PARD6G: variants seen among roughly 807,000 people sequenced by gnomAD.
The protein encoded by PARD6G is partitioning defective 6 homolog gamma.
PARD6G carries 7 observed loss-of-function variants against 10.7 expected under a neutral mutation model. That is an observed-to-expected ratio of 0.66 (90% CI 0.37 to 1.23). PARD6G has a LOEUF of 1.23. Ranked by LOEUF, PARD6G falls within the 50% of genes most tolerant of loss-of-function variation. The pLI, the probability that PARD6G is intolerant of heterozygous loss-of-function variation, is 0.02. For missense variants in PARD6G, 548 were observed against 571.8 expected, an observed-to-expected ratio of 0.96 and a Z score of 0.42; for synonymous variants, 287 against 269.4, an observed-to-expected ratio of 1.07 and a Z score of -0.64.
At position 80,181,273 on chromosome 18, in the gene PARD6G, T is replaced by G. The variant is rs1194947262; in HGVS notation, c.296-20667A>C. Among the ~76,000 whole-genome samples the G allele has an allele frequency of 6.6e-6, 1 of 152,052 alleles. No individual in the cohort carries two copies. The highest frequency in any genetic ancestry group is 1.5e-5 in the Non-Finnish European group (1 of 67,998). ...CGCCCCTGGGGGATAGGAGAGGTGGTGTCTGTCCCCTGGTCCCTCAGCCAA... is the reference window on the plus strand; with the variant it reads ...CGCCCCTGGGGGATAGGAGAGGTGGGGTCTGTCCCCTGGTCCCTCAGCCAA... On this transcript the variant is annotated intron_variant, in intron 2 of 2. Transcript: ENST00000353265. This position sits in a 1 kb window ranked among gnomAD's most constrained non-coding sequence, Gnocchi z 7.9.
chr18:80,208,158 A>G (rs1471525690), intron 1 of PARD6G, among the ~76,000 whole-genome samples: 2 of 152,198 alleles, frequency 1.3e-5, no homozygotes, highest in East Asian at 3.8e-4. Context: ...CACTGGCTGT[A>G]TTTAGAAGAT....
At chr18:80,227,736 C>T (rs769207490) in intron 1 of PARD6G, among the ~76,000 whole-genome samples, 4 of 152,188 alleles carry the variant, frequency 2.6e-5, no homozygotes, top group African/African-American at 9.7e-5. Flanking sequence ...AGTCTGAGGA[C>T]TTCCCACTCA....
At chr18:80,165,190 A>G (rs2052727478) in intron 2 of PARD6G, among the ~76,000 whole-genome samples, 2 of 152,206 alleles carry the variant, frequency 1.3e-5, no homozygotes, top group Admixed American at 1.3e-4. Flanking sequence ...CCTTATCTCA[A>G]TCACATAAGA....
intron 1 of PARD6G, among the ~76,000 whole-genome samples, chr18:80,224,643 C>T (rs911682100): frequency 6.6e-6 from 1 of 152,194 alleles, no homozygotes; most frequent in Non-Finnish European, 1.5e-5. Flanking sequence ...GTCAGCAGTT[C>T]AAGACCAACC....
intron 2 of PARD6G, among the ~76,000 whole-genome samples, chr18:80,199,748 T>C (rs953773326): frequency 2.0e-5 from 3 of 152,146 alleles, no homozygotes; most frequent in African/African-American, 7.2e-5. Flanking sequence ...GTTCAAGCGA[T>C]TTCTCCTGCC....
At position 80,188,591 on chromosome 18, in the gene PARD6G, C is replaced by T. The variant is rs1369750876; in HGVS notation, c.295+14119G>A. 6.6e-6 allele frequency among the ~76,000 whole-genome samples: 1 copy of T among 152,186 alleles called. No individual in the cohort carries two copies. Among genetic ancestry groups the T allele is most frequent in the East Asian group, 1.9e-4 (1 of 5,194 alleles). ...CAGCCCTCCTCGGATGCCCAGTTCG[C>T]CAGAGGAAGGGTCTCTCTGTTTCCC... On this transcript the variant is annotated intron_variant, in intron 2 of 2. Transcript: ENST00000353265. The surrounding 1 kb of genome is among the most constrained non-coding windows in gnomAD (Gnocchi z 5.4).
chr18:80,172,912 G>A (rs548957976), intron 2 of PARD6G, among the ~76,000 whole-genome samples: 2 of 152,154 alleles, frequency 1.3e-5, no homozygotes, highest in African/African-American at 4.8e-5. Context: ...TGCCTAATGC[G>A]AAGTCACATC....
chr18:80,173,419 G>A (rs1187404184), intron 2 of PARD6G, among the ~76,000 whole-genome samples: 2 of 152,130 alleles, frequency 1.3e-5, no homozygotes, highest in Admixed American at 6.5e-5. Flanking sequence ...GAGGTCAGGC[G>A]TTTGAGAGCA....
At chr18:80,229,675 TAGAC>T (rs1967336683) in intron 1 of PARD6G, among the ~76,000 whole-genome samples, 1 of 152,184 alleles carries the variant, frequency 6.6e-6, no homozygotes, top group Non-Finnish European at 1.5e-5. Context: ...AGCCAGAAGT[TAGAC>T]AGTAATCCAC....
intron 2 of PARD6G, among the ~76,000 whole-genome samples, chr18:80,172,611 C>T (rs2052784697): frequency 6.6e-6 from 1 of 152,200 alleles, no homozygotes; most frequent in South Asian, 2.1e-4. Context: ...TCTTGAACTC[C>T]TGACCTCAAG....
intron 2 of PARD6G, among the ~76,000 whole-genome samples, chr18:80,163,054 C>G (rs2052711158): frequency 6.6e-6 from 1 of 152,198 alleles, no homozygotes; most frequent in Non-Finnish European, 1.5e-5. Context: ...GCACAGTGCT[C>G]TGCCTGCTTT....
chr18:80,208,637 T>A (rs753207932), intron 1 of PARD6G, among the ~76,000 whole-genome samples: 1 of 152,054 alleles, frequency 6.6e-6, no homozygotes, highest in African/African-American at 2.4e-5. Flanking sequence ...GGCATGGTGG[T>A]ATACACCTGT....
intron 1 of PARD6G, among the ~76,000 whole-genome samples, chr18:80,214,846 C>A (rs971409982): frequency 7.9e-5 from 12 of 152,000 alleles, no homozygotes; most frequent in African/African-American, 2.9e-4. Flanking sequence ...AAAAATTAAT[C>A]TATATATTTT....
In PARD6G at chr18:80,247,414, G is replaced by A; in HGVS notation, c.-66C>T. 1.5e-6 allele frequency: 2 copies of A among 1,378,942 alleles called. No individual in the cohort carries two copies. Among genetic ancestry groups the A allele is most frequent in the Non-Finnish European group, 2.0e-6 (2 of 1,025,516 alleles). The allele number at this position is 1,378,942 out of a possible 1,614,324, so 85.4% of individuals were successfully genotyped here. A position where few individuals can be genotyped will look rare whatever the true frequency, so the allele number is the denominator to read the frequency against. ...CAGGGGCCGCAGAAAGACTCCCGGGGGCGGCGCCCCCAGGCCCCGGCCCCG... is the reference window on the plus strand; with the variant it reads ...CAGGGGCCGCAGAAAGACTCCCGGGAGCGGCGCCCCCAGGCCCCGGCCCCG... On this transcript the variant is annotated 5_prime_UTR_variant, in exon 1 of 3. Coordinates refer to ENST00000353265, the MANE Select transcript of PARD6G (RefSeq NM_032510.4). This position sits in a 1 kb window ranked among gnomAD's most constrained non-coding sequence, Gnocchi z 4.2.
chr18:80,225,306 G>A (rs190341842), intron 1 of PARD6G, among the ~76,000 whole-genome samples: 2 of 152,302 alleles, frequency 1.3e-5, no homozygotes, highest in East Asian at 3.9e-4. Flanking sequence ...CTGGACCCAC[G>A]TGCTGTTCTT....
At chr18:80,211,454 G>A (rs977099477) in intron 1 of PARD6G, among the ~76,000 whole-genome samples, 10 of 152,214 alleles carry the variant, frequency 6.6e-5, no homozygotes, top group Admixed American at 3.9e-4. Flanking sequence ...CCTTGTGCAC[G>A]ACTGGTGATA....
At chr18:80,195,611 G>A (rs887089778) in intron 2 of PARD6G, among the ~76,000 whole-genome samples, 136 of 96,396 alleles carry the variant, frequency 1.4e-3, no homozygotes, top group African/African-American at 3.5e-3. Context: ...GACCAGGTGC[G>A]ATGGCTCCAT....
At chr18:80,177,500 T>C (rs2052820548) in intron 2 of PARD6G, among the ~76,000 whole-genome samples, 1 of 126,522 alleles carries the variant, frequency 7.9e-6, no homozygotes. Context: ...ATAATCCAAA[T>C]GGGAAGCACA....
intron 1 of PARD6G, among the ~76,000 whole-genome samples, chr18:80,211,959 G>A (rs1967113236): frequency 6.6e-6 from 1 of 152,084 alleles, no homozygotes; most frequent in Admixed American, 6.6e-5. Context: ...GATGAAAAGA[G>A]TTCTGGAAAT....
Sources: allele counts gnomAD v4.1 joint callset (sites outside exome capture counted in the v4.1 genomes callset), GRCh38; gene constraint gnomAD v4.1.1; non-coding constraint Gnocchi (gnomAD v3.1); transcripts MANE v1.5; gene names NCBI Gene and HGNC (gene_info 2026-07-23, HGNC 2026-07-21).